PRR5: variants seen among roughly 807,000 people sequenced by gnomAD.
PRR5 encodes the protein proline rich 5.
PRR5 carries 25 observed loss-of-function variants against 30.6 expected under a neutral mutation model. That is an observed-to-expected ratio of 0.82 (90% CI 0.60 to 1.14). PRR5 has a LOEUF of 1.14. PRR5 is among the 50% of genes most tolerant of loss of function. PRR5 has a pLI of 0.00. For synonymous variants in PRR5, 286 were observed against 247.1 expected, an observed-to-expected ratio of 1.16 and a Z score of -1.48; for missense variants, 600 against 547.1, an observed-to-expected ratio of 1.10 and a Z score of -0.96.
Position 44,729,970 on chromosome 22 carries a change from C to T in PRR5, c.323-1760C>T, listed in dbSNP as rs1005601688. ...TTCGGCGGGGCGGTGAGCATCCATC[C>T]GTCCGGGGCATTCCTGCTGGCCCCC... is the stretch of plus-strand genomic sequence containing the variant. On this transcript the variant is annotated intron_variant, in intron 4 of 7. Coordinates refer to ENST00000336985, the MANE Select transcript of PRR5 (RefSeq NM_181333.4). 1.4e-5 allele frequency: 14 copies of T among 985,306 alleles called. No individual in the cohort carries two copies. In the East Asian group the frequency reaches 5.7e-4, roughly 40 times the overall value. The allele number at this position is 985,306 out of a possible 1,614,324, so 61.0% of individuals were successfully genotyped here.
At chr22:44,724,133 A>G (rs1930336348) in intron 2 of PRR5, among the ~76,000 whole-genome samples, 1 of 152,132 alleles carries the variant, frequency 6.6e-6, no homozygotes, top group East Asian at 1.9e-4. Flanking sequence ...ATAATTCAGG[A>G]CTGATTAGAA....
At chr22:44,720,402 G>A (rs547241840) in intron 2 of PRR5, among the ~76,000 whole-genome samples, 12 of 152,310 alleles carry the variant, frequency 7.9e-5, no homozygotes, top group South Asian at 2.1e-4. Flanking sequence ...TCAACAGTGC[G>A]CTTCCAGAGC....
At chr22:44,673,163 T>C (rs115196619), upstream of PRR5, among the ~76,000 whole-genome samples, 445 of 152,258 alleles carry the variant, frequency 2.9e-3, 3 homozygotes, top group African/African-American at 0.01. Flanking sequence ...GCCAGAGACA[T>C]GAAGGGAGAG....
upstream of PRR5, among the ~76,000 whole-genome samples, chr22:44,673,369 A>G (rs1923533895): frequency 6.6e-6 from 1 of 152,218 alleles, no homozygotes; most frequent in Non-Finnish European, 1.5e-5. Context: ...CCAAATAATA[A>G]TGGCCAATGC....
chr22:44,734,844 C>T, intron 6 of PRR5, 183 bp from the exon 7 acceptor site: 1 of 762,620 alleles, frequency 1.3e-6, no homozygotes, highest in Non-Finnish European at 2.1e-6. Context: ...GTGACTCAGG[C>T]CACATGCTCT....
Position 44,735,917 on chromosome 22 carries a change from C to T in PRR5, c.691+755C>T, listed in dbSNP as rs1275392087. On this transcript the variant is annotated intron_variant, in intron 7 of 7. Coordinates refer to ENST00000336985, the MANE Select transcript of PRR5 (RefSeq NM_181333.4). ...CTGGCTGCTGGAGAACTTTGAGCCA[C>T]CCAGGCTTGGTGTAGCCCTGGATGG... Among the ~76,000 whole-genome samples, 36 of 152,226 alleles carry T rather than the reference C, an allele frequency of 2.4e-4. 2 individuals carry two copies. Among genetic ancestry groups the T allele is most frequent in the Non-Finnish European group, 2.9e-5 (2 of 68,024 alleles).
Position 44,702,289 on chromosome 22 carries a change from C to T in PRR5, c.-186C>T. The T allele has an allele frequency of 8.7e-7, 1 of 1,144,900 alleles. No individual in the cohort carries two copies. The allele number at this position is 1,144,900 out of a possible 1,614,324, so 70.9% of individuals were successfully genotyped here. A position where few individuals can be genotyped will look rare whatever the true frequency, so the allele number is the denominator to read the frequency against. ...CCGTGCAATGATTAACCCGGCGGGG[C>T]GGCCGGCGCGGGACCCGAGACGGAG... On this transcript the variant is annotated 5_prime_UTR_variant, in exon 1 of 8. Transcript: ENST00000336985.
intron 1 of PRR5, among the ~76,000 whole-genome samples, chr22:44,692,876 G>A (rs1352947987): frequency 1.3e-5 from 2 of 152,166 alleles, no homozygotes; most frequent in Non-Finnish European, 2.9e-5. Context: ...TCAGCACGGG[G>A]CCAGGCACAG....
At chr22:44,710,127 T>A (rs1019223326) in intron 1 of PRR5, among the ~76,000 whole-genome samples, 1 of 152,002 alleles carries the variant, frequency 6.6e-6, no homozygotes, top group Non-Finnish European at 1.5e-5. Context: ...TGCGGCACTG[T>A]CCTCCCCCAT....
intron 1 of PRR5, among the ~76,000 whole-genome samples, chr22:44,712,572 C>G (rs548472148): frequency 6.6e-6 from 1 of 152,206 alleles, no homozygotes; most frequent in Non-Finnish European, 1.5e-5. Context: ...TCTGTGACCT[C>G]CAGCAGAGGA....
intron 1 of PRR5, among the ~76,000 whole-genome samples, chr22:44,710,028 C>T (rs34631445): frequency 1.1e-4 from 16 of 152,188 alleles, no homozygotes; most frequent in Non-Finnish European, 1.9e-4. Flanking sequence ...CTACCCGCCG[C>T]CCCTCCCAAC....
At chr22:44,717,964 C>T (rs558428143) in intron 2 of PRR5, among the ~76,000 whole-genome samples, 21 of 152,296 alleles carry the variant, frequency 1.4e-4, no homozygotes, top group African/African-American at 3.8e-4. Context: ...ATCCACCTGC[C>T]TCGGCCTCCC....
chr22:44,684,247 A>T (rs1924547329), intron 1 of PRR5, among the ~76,000 whole-genome samples: 1 of 152,150 alleles, frequency 6.6e-6, no homozygotes, highest in Non-Finnish European at 1.5e-5. Context: ...AGTGGTAGAA[A>T]ATGTGCTGGT....
chr22:44,679,723 C>A, intron 1 of PRR5: 1 of 1,243,506 alleles, frequency 8.0e-7, no homozygotes, highest in Non-Finnish European at 1.1e-6. Flanking sequence ...ATAATAATAA[C>A]AATAATAGTA....
rs111779748 is a variant in PRR5 at position 44,717,407 on chromosome 22, G to T, written c.215+2736G>T. On this transcript the variant is annotated intron_variant, in intron 2 of 7. Coordinates refer to ENST00000336985, the MANE Select transcript of PRR5 (RefSeq NM_181333.4). ...GGGTTTCACCATGTTGGCCAGGCCG[G>T]TCTCAAACTCCTGACCTCAGATGAT... Among the ~76,000 whole-genome samples, 387 of 152,024 alleles carry T rather than the reference G, an allele frequency of 2.5e-3. 2 individuals carry two copies. The highest frequency in any genetic ancestry group is 0.014 in the Middle Eastern group (4 of 294).
intron 1 of PRR5, among the ~76,000 whole-genome samples, chr22:44,687,975 C>T (rs11090686): frequency 0.8 from 120,407 of 151,160 alleles, 48,009 homozygotes; most frequent in Admixed American, 0.83. Flanking sequence ...GGGTTTCACC[C>T]TGTTGGTCAG....
chr22:44,683,361 G>A (rs1368822253), intron 1 of PRR5, among the ~76,000 whole-genome samples: 1 of 152,194 alleles, frequency 6.6e-6, no homozygotes, highest in Non-Finnish European at 1.5e-5. Context: ...CCACCTTGAG[G>A]GCCACCTGGC....
In PRR5 at chr22:44,735,103, A is replaced by G; in HGVS notation, c.632A>G (p.Tyr211Cys). 1.2e-6 allele frequency: 2 copies of G among 1,612,644 alleles called. No homozygotes were observed. Among genetic ancestry groups the G allele is most frequent in the Non-Finnish European group, 1.7e-6 (2 of 1,179,498 alleles). Residue 211 changes from tyrosine (Y) to cysteine (C), a missense_variant, in exon 7 of 8, where the codon TAC (tyrosine) becomes TGC (cysteine). Physicochemically the swap from Tyr to Cys is radical, Grantham distance 194 (BLOSUM62 -2). Coordinates refer to ENST00000336985, the MANE Select transcript of PRR5 (RefSeq NM_181333.4). The part of the protein sequence containing the change: ...ETLVQKVVSP[Y>C]LGTYGLHSSE... The stretch of plus-strand genomic sequence containing the variant: ...CTGGTCCAGAAGGTGGTGTCGCCAT[A>G]CCTGGGCACCTACGGCCTCCACTCC...
upstream of PRR5, among the ~76,000 whole-genome samples, chr22:44,674,485 G>T (rs1420073797): frequency 6.6e-6 from 1 of 152,072 alleles, no homozygotes. Context: ...CACTTTGGGA[G>T]GCTGAGGCGG....
Sources: allele counts gnomAD v4.1 joint callset (sites outside exome capture counted in the v4.1 genomes callset), GRCh38; gene constraint gnomAD v4.1.1; transcripts MANE v1.5; gene names NCBI Gene and HGNC (gene_info 2026-07-23, HGNC 2026-07-21).